Variants in SVEP1 observed in about 807,000 individuals in gnomAD.
The protein encoded by SVEP1 is sushi, von Willebrand factor type A, EGF and pentraxin domain containing 1.
In SVEP1, 164 loss-of-function variants were observed where a neutral mutation model predicts 367.3. That is an observed-to-expected ratio of 0.45 (90% CI 0.39 to 0.51). The LOEUF is 0.51. SVEP1 is among the 20% of genes least tolerant of loss of function. SVEP1 has a pLI of 0.00. For synonymous variants in SVEP1, 1,666 were observed against 1,611.6 expected, an observed-to-expected ratio of 1.03 and a Z score of -0.81; for missense variants, 4,117 against 4,425.3, an observed-to-expected ratio of 0.93 and a Z score of 1.98.
At chr9:110,506,641 T>A (rs1311924721) in intron 5 of SVEP1, among the ~76,000 whole-genome samples, 1 of 152,176 alleles carries the variant, frequency 6.6e-6, no homozygotes, top group East Asian at 1.9e-4. Flanking sequence ...TCTTCCGTAG[T>A]CTCCTCTTTA....
At chr9:110,486,243 T>C (rs1380514702) in intron 9 of SVEP1, among the ~76,000 whole-genome samples, 1 of 152,238 alleles carries the variant, frequency 6.6e-6, no homozygotes, top group Admixed American at 6.5e-5. Flanking sequence ...AAATGACAAT[T>C]GAATATTCAA....
At chr9:110,451,810 G>T (rs1374729453) in intron 22 of SVEP1, among the ~76,000 whole-genome samples, 1 of 152,136 alleles carries the variant, frequency 6.6e-6, no homozygotes, top group Non-Finnish European at 1.5e-5. Context: ...ATTGAATGAA[G>T]AAAATAACTC....
Position 110,458,503 on chromosome 9 carries a change from G to C in SVEP1, c.3544C>G (p.His1182Asp). ...CTGATTTCATGCCTCTTTTTAATAT[G>C]TCCAAGAGAGGCAGGGGGCACCACA... ...ESVVPPASLGHIKKRHEISSQ... is the reference protein window; with the variant it reads ...ESVVPPASLGDIKKRHEISSQ... Residue 1182 changes from histidine (H) to aspartate (D), a missense_variant, in exon 20 of 48, where the codon CAT becomes GAT. His to Asp is a moderately conservative substitution (Grantham distance 81, BLOSUM62 -1). This residue lies in a region of SVEP1 where 2,174 missense variants were observed against 2,494.3 expected (regional missense o/e 0.87). Coordinates refer to ENST00000374469, the MANE Select transcript of SVEP1 (RefSeq NM_153366.4). The C allele has an allele frequency of 6.2e-7, 1 of 1,612,936 alleles. No homozygotes were observed. Among genetic ancestry groups the C allele is most frequent in the Non-Finnish European group, 8.5e-7 (1 of 1,179,576 alleles).
intron 39 of SVEP1, among the ~76,000 whole-genome samples, chr9:110,403,198 A>AT (rs1478689946): frequency 6.9e-6 from 1 of 144,220 alleles, no homozygotes; most frequent in Non-Finnish European, 1.5e-5. Flanking sequence ...TCAGTGACAC[A>AT]TTTTTTCTTC....
chr9:110,416,075 A>C (rs1364931834), intron 36 of SVEP1, among the ~76,000 whole-genome samples: 1 of 151,988 alleles, frequency 6.6e-6, no homozygotes, highest in Non-Finnish European at 1.5e-5. Flanking sequence ...TACTCAGAAA[A>C]TAAGGGGTTA....
chr9:110,465,518 A>C (rs1828922071), intron 18 of SVEP1, among the ~76,000 whole-genome samples: 2 of 152,222 alleles, frequency 1.3e-5, no homozygotes, highest in African/African-American at 4.8e-5. Context: ...TTCAAGAAAC[A>C]CTAGACAGAA....
chr9:110,553,003 G>A (rs1050037854), intron 1 of SVEP1, among the ~76,000 whole-genome samples: 2 of 152,156 alleles, frequency 1.3e-5, no homozygotes, highest in African/African-American at 4.8e-5. Flanking sequence ...TCTCTCTTGG[G>A]CAATATCCAT....
chr9:110,529,158 G>T (rs550126747), intron 3 of SVEP1, among the ~76,000 whole-genome samples: 1 of 152,086 alleles, frequency 6.6e-6, no homozygotes, highest in East Asian at 1.9e-4. Context: ...GTATATTTTT[G>T]TCTGCTTTGC....
chr9:110,376,029 C>A (rs1827346036), intron 45 of SVEP1, among the ~76,000 whole-genome samples: 1 of 152,134 alleles, frequency 6.6e-6, no homozygotes, highest in Non-Finnish European at 1.5e-5. Flanking sequence ...TATCATTCCT[C>A]CTCCTAGAAA....
At position 110,476,428 on chromosome 9, in the gene SVEP1, C is replaced by T. The variant is rs149900231; in HGVS notation, c.2488-113G>A. The T allele has an allele frequency of 4.7e-3, 3,574 of 765,110 alleles. 26 individuals are homozygous for T. The highest frequency in any genetic ancestry group is 6.7e-3 in the Non-Finnish European group (2,957 of 444,544). The allele number at this position is 765,110 out of a possible 1,614,324, so 47.4% of individuals were successfully genotyped here. On this transcript the variant is annotated intron_variant, in intron 13 of 47. Transcript: ENST00000374469. ...CCATCAGCAGGAGGGAAGGGAGGGC[C>T]CCAGAGCTCTGCACATTCCTCAAAG...
At chr9:110,509,658 G>C (rs1354361244) in intron 5 of SVEP1, among the ~76,000 whole-genome samples, 1 of 152,134 alleles carries the variant, frequency 6.6e-6, no homozygotes, top group African/African-American at 2.4e-5. Flanking sequence ...TTACAAGCTT[G>C]TGCCATCACA....
At chr9:110,404,629 C>T in intron 38 of SVEP1, 77 bp from the exon 39 acceptor site, 1 of 1,342,250 alleles carries the variant, frequency 7.5e-7, no homozygotes, top group Admixed American at 1.7e-5. Context: ...ATTTAGGAAG[C>T]TGTTACAAGG....
chr9:110,383,316 C>A (rs141299821), intron 43 of SVEP1, among the ~76,000 whole-genome samples: 1 of 152,118 alleles, frequency 6.6e-6, no homozygotes. Flanking sequence ...AACAGTCAGG[C>A]CCCTCTTTTG....
chr9:110,390,341 T>TTATATATACTTATA lies in SVEP1; in HGVS notation c.9823-755_9823-754insTATAAGTATATATA. 3.6e-4 allele frequency among the ~76,000 whole-genome samples: 11 copies of TTATATATACTTATA among 30,396 alleles called. 3 individuals are homozygous for TTATATATACTTATA. The highest frequency in any genetic ancestry group is 2.9e-3 in the African/African-American group (11 of 3,776). The allele number at this position is 30,396 out of a possible 152,430, so 19.9% of individuals were successfully genotyped here. ...TATATATACTTATATATACACATAC[T>TTATATATACTTATA]TATATACACTTATATATATATACTT... is the stretch of plus-strand genomic sequence containing the variant. On this transcript the variant is annotated intron_variant, in intron 40 of 47. Transcript: ENST00000374469.
rs1371668818 is a variant in SVEP1, at chr9:110,390,250, CTTATATAAGTAT to C, written c.9823-675_9823-664del. 2.6e-5 allele frequency among the ~76,000 whole-genome samples: 3 copies of C among 114,950 alleles called. 1 individual carries two copies. Among genetic ancestry groups the C allele is most frequent in the East Asian group, 2.3e-4 (1 of 4,378 alleles). 75.4% of individuals were successfully genotyped at this position (114,950 alleles called of 152,430 possible). On this transcript the variant is annotated intron_variant, in intron 40 of 47. Transcript: ENST00000374469. ...ACTTATATAAGTATGTGTATATATA[CTTATATAAGTAT>C]GTATATATATACTTATATATATACA... is the stretch of plus-strand genomic sequence containing the variant.
At chr9:110,437,349 C>T (rs1194937517) in intron 27 of SVEP1, among the ~76,000 whole-genome samples, 1 of 152,178 alleles carries the variant, frequency 6.6e-6, no homozygotes, top group Non-Finnish European at 1.5e-5. Context: ...CATTTCAGGC[C>T]CATCCCTTAC....
chr9:110,508,157 C>A (rs928871265), intron 5 of SVEP1, among the ~76,000 whole-genome samples: 3 of 152,136 alleles, frequency 2.0e-5, no homozygotes, highest in Non-Finnish European at 4.4e-5. Flanking sequence ...TCTTGACTTA[C>A]ATTTATGTTA....
chr9:110,502,206 G>T (rs1462731095), intron 6 of SVEP1, among the ~76,000 whole-genome samples: 1 of 150,794 alleles, frequency 6.6e-6, no homozygotes, highest in East Asian at 1.9e-4. Context: ...GGGTTCAAGA[G>T]ATTCTCCTGT....
At chr9:110,432,999 A>C (rs1431108719) in intron 30 of SVEP1, among the ~76,000 whole-genome samples, 1 of 152,080 alleles carries the variant, frequency 6.6e-6, no homozygotes, top group Non-Finnish European at 1.5e-5. Flanking sequence ...CTGTCCTTGC[A>C]ATGGTGAGTG....
Sources: allele counts gnomAD v4.1 joint callset (sites outside exome capture counted in the v4.1 genomes callset), GRCh38; gene constraint gnomAD v4.1.1; regional missense constraint gnomAD v4.1.1; transcripts MANE v1.5; gene names NCBI Gene and HGNC (gene_info 2026-07-23, HGNC 2026-07-21).